DAB1: variants seen among roughly 807,000 people sequenced by gnomAD.
The protein encoded by DAB1 is DAB adaptor protein 1, also known as disabled homolog 1.
Under a neutral mutation model 64.6 loss-of-function variants are expected in DAB1, and 15 were observed. That is an observed-to-expected ratio of 0.23 (90% CI 0.16 to 0.36). The LOEUF (loss-of-function observed/expected upper bound fraction) is 0.36, where lower values mean the gene tolerates loss of function less well. DAB1 is among the 10% of genes least tolerant of loss of function. The pLI is 1.00. For missense variants in DAB1, 596 were observed against 706.7 expected, an observed-to-expected ratio of 0.84 and a Z score of 1.78; for synonymous variants, 235 against 251.9, an observed-to-expected ratio of 0.93 and a Z score of 0.64.
intron 7 of DAB1, among the ~76,000 whole-genome samples, chr1:57,473,669 A>G (rs1643895322): frequency 6.6e-6 from 1 of 152,216 alleles, no homozygotes; most frequent in Admixed American, 6.5e-5. Context: ...GAACTTTCAG[A>G]ACAATTCCTG....
At chr1:57,893,175 T>C (rs1317160218) in intron 5 of DAB1, among the ~76,000 whole-genome samples, 1 of 152,022 alleles carries the variant, frequency 6.6e-6, no homozygotes, top group African/African-American at 2.4e-5. Flanking sequence ...ACTAAGGTGC[T>C]CAAGAGAATA....
intron 7 of DAB1, among the ~76,000 whole-genome samples, chr1:57,452,737 T>C (rs917198474): frequency 1.3e-5 from 2 of 152,014 alleles, no homozygotes; most frequent in African/African-American, 4.8e-5. Context: ...AATGAAAAAT[T>C]TAAAGGATAT....
chr1:57,743,611 G>T (rs950428704), intron 6 of DAB1, among the ~76,000 whole-genome samples: 35 of 152,160 alleles, frequency 2.3e-4, no homozygotes, highest in Admixed American at 1.5e-3. Context: ...TACTTTCCAG[G>T]TATCACCCAT....
chr1:58,396,119 G>A (rs1644519503), intron 3 of DAB1, among the ~76,000 whole-genome samples: 1 of 147,760 alleles, frequency 6.8e-6, no homozygotes, highest in Non-Finnish European at 1.5e-5. Flanking sequence ...CGAGAAGAGG[G>A]CAGGGGAGGG....
chr1:58,469,532 C>T (rs1645334184), intron 3 of DAB1, among the ~76,000 whole-genome samples: 2 of 152,178 alleles, frequency 1.3e-5, no homozygotes, highest in African/African-American at 2.4e-5. Context: ...GTTCTGTAAA[C>T]TCCAGCTATC....
chr1:57,668,749 C>T (rs1489490591), intron 6 of DAB1, among the ~76,000 whole-genome samples: 1 of 152,014 alleles, frequency 6.6e-6, no homozygotes, highest in Admixed American at 6.6e-5. Flanking sequence ...GTGCATTTAA[C>T]CTTGAGATAA....
chr1:57,056,190 A>G (rs1190836898), intron 9 of DAB1, among the ~76,000 whole-genome samples: 1 of 152,126 alleles, frequency 6.6e-6, no homozygotes, highest in East Asian at 1.9e-4. Flanking sequence ...ATACTGCTCC[A>G]TGATTACCAC....
intron 5 of DAB1, among the ~76,000 whole-genome samples, chr1:58,021,175 G>T (rs1646809499): frequency 6.6e-6 from 1 of 152,218 alleles, no homozygotes; most frequent in Admixed American, 6.5e-5. Flanking sequence ...TTAGAGAAAA[G>T]ACTGGTTTGA....
downstream of DAB1, among the ~76,000 whole-genome samples, chr1:57,823,422 A>G (rs1049987201): frequency 6.6e-6 from 1 of 152,152 alleles, no homozygotes; most frequent in Admixed American, 6.5e-5. Context: ...TTGATGGCAC[A>G]CCGGACCCCA....
At chr1:57,991,964 G>A (rs539626848) in intron 5 of DAB1, among the ~76,000 whole-genome samples, 2 of 151,492 alleles carry the variant, frequency 1.3e-5, no homozygotes, top group African/African-American at 4.8e-5. Context: ...GACATTCCAG[G>A]TAGAGACCTG....
chr1:57,243,739 G>A (rs756958864), intron 2 of DAB1, among the ~76,000 whole-genome samples: 11 of 152,084 alleles, frequency 7.2e-5, no homozygotes, highest in African/African-American at 1.9e-4. Flanking sequence ...GATGAATCCC[G>A]GCACTGCCTA....
At chr1:57,764,361 T>C (rs1243442842) in intron 6 of DAB1, among the ~76,000 whole-genome samples, 2 of 152,202 alleles carry the variant, frequency 1.3e-5, no homozygotes, top group Non-Finnish European at 2.9e-5. Context: ...TGTGGATACA[T>C]ATAACATGTA....
chr1:57,076,718 G>A (rs1652027191), intron 4 of DAB1, among the ~76,000 whole-genome samples: 1 of 152,200 alleles, frequency 6.6e-6, no homozygotes. Context: ...ATGACGGAAG[G>A]CATAGCTCTG....
At chr1:58,194,396 C>CAATA (rs1657555839) in intron 4 of DAB1, among the ~76,000 whole-genome samples, 1 of 152,160 alleles carries the variant, frequency 6.6e-6, no homozygotes, top group Non-Finnish European at 1.5e-5. Context: ...ATACCTGGCT[C>CAATA]AATAAATGTT....
At chr1:57,339,637 C>T (rs879887026) in intron 1 of DAB1, among the ~76,000 whole-genome samples, 3 of 152,144 alleles carry the variant, frequency 2.0e-5, no homozygotes, top group Non-Finnish European at 2.9e-5. Context: ...TGTTTAAGGT[C>T]CTAACAGTCT....
chr1:57,113,295 GTAT>G (rs1486221397), intron 4 of DAB1, among the ~76,000 whole-genome samples: 2 of 152,128 alleles, frequency 1.3e-5, no homozygotes, highest in Non-Finnish European at 2.9e-5. Context: ...TATAAAATAG[GTAT>G]TATTATCTCC....
At chr1:57,998,824 A>G (rs921275634) in intron 5 of DAB1, among the ~76,000 whole-genome samples, 4 of 152,264 alleles carry the variant, frequency 2.6e-5, no homozygotes, top group Non-Finnish European at 5.9e-5. Context: ...AACAGTATCC[A>G]CAGATACTCT....
At chr1:57,729,629 A>G (rs1647324391) in intron 6 of DAB1, among the ~76,000 whole-genome samples, 1 of 152,242 alleles carries the variant, frequency 6.6e-6, no homozygotes, top group African/African-American at 2.4e-5. Flanking sequence ...GCTCTCCAGA[A>G]GACAGAGAAT....
chr1:57,491,201 G>T (rs1160969672), intron 7 of DAB1, among the ~76,000 whole-genome samples: 2 of 152,164 alleles, frequency 1.3e-5, no homozygotes, highest in African/African-American at 2.4e-5. Flanking sequence ...GGCTGAGGCG[G>T]GTGGATCATG....
Sources: allele counts gnomAD v4.1 joint callset (sites outside exome capture counted in the v4.1 genomes callset), GRCh38; gene constraint gnomAD v4.1.1; transcripts MANE v1.5; gene names NCBI Gene and HGNC (gene_info 2026-07-23, HGNC 2026-07-21).